Variants in RANBP2 observed in about 807,000 individuals in gnomAD.
The protein encoded by RANBP2 is E3 SUMO-protein ligase RanBP2.
Under a neutral mutation model 303.6 loss-of-function variants are expected in RANBP2, and 57 were observed. The observed-to-expected ratio is 0.19, with a 90% CI of 0.15 to 0.23. The LOEUF is 0.23. Among genes scored for constraint, RANBP2 ranks in the 10% least tolerant of loss-of-function variants. The pLI is 1.00. For synonymous variants in RANBP2, 1,167 were observed against 1,301.5 expected, an observed-to-expected ratio of 0.90 and a Z score of 2.23; for missense variants, 3,138 against 3,780.8, an observed-to-expected ratio of 0.83 and a Z score of 4.46.
At chr2:108,846,428 C>T in the RANBP2 span, among the ~76,000 whole-genome samples, 3 of 151,596 alleles carry the variant, frequency 2.0e-5, no homozygotes, top group African/African-American at 7.3e-5. Context: ...CCTGTAATCC[C>T]AGCATTTTGG....
At chr2:109,039,735 T>C in the RANBP2 span, among the ~76,000 whole-genome samples, 8 of 152,290 alleles carry the variant, frequency 5.3e-5, no homozygotes. Context: ...TTTTAAAATT[T>C]ATCTTATTTA....
At chr2:108,726,869 A>G (rs1040897819) in intron 1 of RANBP2, among the ~76,000 whole-genome samples, 4 of 152,126 alleles carry the variant, frequency 2.6e-5, no homozygotes, top group African/African-American at 9.7e-5. Flanking sequence ...CATCTGTTTA[A>G]CAAAGCACAT....
chr2:108,942,691 T>C, the RANBP2 span, among the ~76,000 whole-genome samples: 3 of 152,198 alleles, frequency 2.0e-5, no homozygotes. Flanking sequence ...TCCAGCGCGT[T>C]CCTGTTCCCG....
the RANBP2 span, among the ~76,000 whole-genome samples, chr2:109,218,999 T>C: frequency 4.5e-4 from 68 of 152,364 alleles, no homozygotes; most frequent in Non-Finnish European, 7.3e-4. Flanking sequence ...ATGCCTGTTA[T>C]GGGCACTGAC....
chr2:108,763,177 A>T, intron 19 of RANBP2, 60 bp from the exon 20 acceptor site: 2 of 1,566,392 alleles, frequency 1.3e-6, no homozygotes, highest in South Asian at 2.2e-5. Context: ...ATTGGTTTGC[A>T]TTTAGTTATC....
intron 4 of RANBP2, 93 bp downstream of exon 4, chr2:108,731,567 C>T: frequency 2.5e-6 from 4 of 1,595,958 alleles, no homozygotes; most frequent in Non-Finnish European, 3.4e-6. Context: ...AACCTTAAGC[C>T]CAGGTGTTAG....
chr2:109,628,877 G>A, the RANBP2 span, among the ~76,000 whole-genome samples: 19 of 152,024 alleles, frequency 1.2e-4, no homozygotes, highest in South Asian at 3.1e-3. Flanking sequence ...GAGGGAGTTC[G>A]TGCTCTTGGC....
the RANBP2 span, chr2:108,894,469 A>C: frequency 6.6e-6 from 1 of 152,572 alleles, no homozygotes; most frequent in Non-Finnish European, 1.5e-5. Context: ...GTAGTCTATA[A>C]ATCTTATTAA....
the RANBP2 span, among the ~76,000 whole-genome samples, chr2:109,025,531 G>T: frequency 2.0e-5 from 3 of 152,290 alleles, no homozygotes; most frequent in South Asian, 4.1e-4. Flanking sequence ...ACATAGGGCG[G>T]GTGCGGTGGC....
chr2:109,018,351 T>C, the RANBP2 span, among the ~76,000 whole-genome samples: 1 of 152,210 alleles, frequency 6.6e-6, no homozygotes, highest in Non-Finnish European at 1.5e-5. Flanking sequence ...CCTTGTCTGG[T>C]AGGCTGTCAG....
the RANBP2 span, among the ~76,000 whole-genome samples, chr2:109,725,257 C>A: frequency 6.6e-6 from 1 of 152,196 alleles, no homozygotes; most frequent in African/African-American, 2.4e-5. Flanking sequence ...CACCTGAGCC[C>A]AGATACCTCT....
At chr2:108,976,283 C>T in the RANBP2 span, among the ~76,000 whole-genome samples, 1 of 152,198 alleles carries the variant, frequency 6.6e-6, no homozygotes, top group African/African-American at 2.4e-5. Context: ...TAGAATCCTC[C>T]TCAACTGAGA....
Position 108,736,266 on chromosome 2 carries a change from A to T in RANBP2, c.782+17A>T. ...ACTGCAAAGGTACGTTGACTTTGAG[A>T]AGAATGCTTTAGTATAAATTGCAGT... On this transcript the variant is annotated intron_variant, in intron 6 of 28. Coordinates refer to ENST00000283195, the MANE Select transcript of RANBP2 (RefSeq NM_006267.5). 6.2e-7 allele frequency: 1 copy of T among 1,611,976 alleles called. No homozygotes were observed. Among genetic ancestry groups the T allele is most frequent in the Non-Finnish European group, 8.5e-7 (1 of 1,179,832 alleles).
the RANBP2 span, among the ~76,000 whole-genome samples, chr2:109,407,752 A>C: frequency 6.6e-6 from 1 of 152,238 alleles, no homozygotes; most frequent in African/African-American, 2.4e-5. Context: ...TGAATAAAAA[A>C]AAAATTGCAT....
At chr2:109,657,170 A>AC in the RANBP2 span, among the ~76,000 whole-genome samples, 1 of 152,180 alleles carries the variant, frequency 6.6e-6, no homozygotes, top group African/African-American at 2.4e-5. Flanking sequence ...GGACAGGCCA[A>AC]CATCCTTGCA....
At chr2:108,978,763 T>C in the RANBP2 span, among the ~76,000 whole-genome samples, 1 of 152,126 alleles carries the variant, frequency 6.6e-6, no homozygotes, top group Non-Finnish European at 1.5e-5. Context: ...GGAGACAGTC[T>C]ATCGGTAAGC....
chr2:109,172,203 T>C, the RANBP2 span, among the ~76,000 whole-genome samples: 1 of 152,148 alleles, frequency 6.6e-6, no homozygotes, highest in Non-Finnish European at 1.5e-5. Context: ...CAGACCAGGG[T>C]CCTCTGGCAG....
At chr2:108,895,702 G>C in the RANBP2 span, 1 of 152,140 alleles carries the variant, frequency 6.6e-6, no homozygotes, top group African/African-American at 2.4e-5. Context: ...CATCTCATTG[G>C]CAGACGAGAA....
At chr2:109,063,494 G>T in the RANBP2 span, among the ~76,000 whole-genome samples, 10 of 152,280 alleles carry the variant, frequency 6.6e-5, no homozygotes, top group Non-Finnish European at 1.2e-4. Context: ...AGAGGCCCCC[G>T]CGTGGCTGCA....
Sources: allele counts gnomAD v4.1 joint callset (sites outside exome capture counted in the v4.1 genomes callset), GRCh38; gene constraint gnomAD v4.1.1; transcripts MANE v1.5; gene names NCBI Gene and HGNC (gene_info 2026-07-23, HGNC 2026-07-21).